PYGM: variants seen among roughly 807,000 people sequenced by gnomAD.
PYGM encodes the protein glycogen phosphorylase, muscle associated.
In PYGM, 81 loss-of-function variants were observed where a neutral mutation model predicts 99.3. That is an observed-to-expected ratio of 0.82 (90% confidence interval 0.68 to 0.98). The LOEUF is 0.98. Ranked by LOEUF, PYGM falls within the 50% of genes least tolerant of loss-of-function variation. The pLI is 0.00. For synonymous variants in PYGM, 436 were observed against 451.5 expected, an observed-to-expected ratio of 0.97 and a Z score of 0.44; for missense variants, 1,030 against 1,158.1, an observed-to-expected ratio of 0.89 and a Z score of 1.61.
Position 64,750,371 on chromosome 11 carries a change from C to G in PYGM, c.2177+5G>C, listed in dbSNP as rs763783985. 2 of 1,613,990 alleles carry G rather than the reference C, an allele frequency of 1.2e-6. No individual in the cohort carries two copies. The highest frequency in any genetic ancestry group is 1.7e-6 in the Non-Finnish European group (2 of 1,179,994). On this transcript the variant is annotated splice_donor_5th_base_variant and intron_variant, in intron 17 of 19. Coordinates refer to ENST00000164139, the MANE Select transcript of PYGM (RefSeq NM_005609.4). ...TCTTTTGCCCGTGAACCCTGACCCC[C>G]ATACCCTCTTTGGTCAAGCTTATCC...
intron 3 of PYGM, 38 bp from the exon 4 acceptor site, chr11:64,758,387 C>G (rs1169620611): frequency 1.2e-6 from 2 of 1,612,882 alleles, no homozygotes; most frequent in African/African-American, 2.7e-5. Context: ...AGGGACCCAG[C>G]AAGGAGGACC....
At position 64,753,945 on chromosome 11, in the gene PYGM, G is replaced by T. The variant is rs765402043; in HGVS notation, c.1173C>A (p.His391Gln). ...LPEALERWPV[H>Q]LLETLLPRHL... ...GCCGCGGCAGCAGCGTCTCCAAGAGGTGCACCGGCCAGCGCTCCAGGGCCT... is the reference window on the plus strand; with the variant it reads ...GCCGCGGCAGCAGCGTCTCCAAGAGTTGCACCGGCCAGCGCTCCAGGGCCT... Residue 391 changes from histidine (H) to glutamine (Q), a missense_variant, in exon 10 of 20, where the codon CAC becomes CAA. Coordinates refer to ENST00000164139, the MANE Select transcript of PYGM (RefSeq NM_005609.4). 2 of 1,601,724 alleles carry T rather than the reference G, an allele frequency of 1.2e-6. No individual in the cohort carries two copies. Among genetic ancestry groups the T allele is most frequent in the Non-Finnish European group, 1.7e-6 (2 of 1,174,070 alleles).
intron 17 of PYGM, among the ~76,000 whole-genome samples, chr11:64,749,328 C>G: frequency 6.6e-6 from 1 of 151,108 alleles, no homozygotes. Context: ...GCCTGGGTGA[C>G]AGAGCAAGAC....
chr11:64,756,321 C>T (rs543447217), intron 5 of PYGM, among the ~76,000 whole-genome samples: 1 of 152,354 alleles, frequency 6.6e-6, no homozygotes, highest in South Asian at 2.1e-4. Flanking sequence ...CCAGCAGCCC[C>T]CACTGCATCT....
chr11:64,758,186 A>G, intron 4 of PYGM, 60 bp downstream of exon 4: 3 of 1,535,302 alleles, frequency 2.0e-6, no homozygotes, highest in Non-Finnish European at 2.7e-6. Context: ...GAGATGATAA[A>G]CAAGTGGGGG....
In PYGM at chr11:64,746,991, G is replaced by A. The variant is rs1163053695; in HGVS notation, c.2313-4C>T. 6.2e-6 allele frequency: 10 copies of A among 1,614,096 alleles called. No individual in the cohort carries two copies. In the Admixed American group the frequency reaches 1.2e-4, roughly 19 times the overall value. The stretch of plus-strand genomic sequence containing the variant: ...ATAATCTGCGAAGACTTTAAACCTG[G>A]AGGGGAAAGGATAGGCATGTGCTAT... On this transcript the variant is annotated splice_polypyrimidine_tract_variant and splice_region_variant and intron_variant, in intron 18 of 19. Transcript: ENST00000164139.
chr11:64,758,221 A>G, intron 4 of PYGM, 25 bp downstream of exon 4: 6 of 1,587,274 alleles, frequency 3.8e-6, no homozygotes, highest in Non-Finnish European at 5.2e-6. Flanking sequence ...ACTAGACCCC[A>G]CAAGTTAGAG....
chr11:64,749,093 A>G (rs2058334577), intron 17 of PYGM, among the ~76,000 whole-genome samples: 1 of 151,966 alleles, frequency 6.6e-6, no homozygotes, highest in African/African-American at 2.4e-5. Context: ...CACCCCTGTA[A>G]GCCCAGCACT....
Position 64,750,515 on chromosome 11 carries a change from T to G in PYGM, c.2038A>C (p.Met680Leu), listed in dbSNP as rs1176352993. Residue 680 changes from methionine (M) to leucine (L), a missense_variant, in exon 17 of 20, where the codon ATG becomes CTG. Coordinates refer to ENST00000164139, the MANE Select transcript of PYGM (RefSeq NM_005609.4). ...AGTEASGTGN[M>L]KFMLNGALTI... ...AGAGCCCCGTTGAGCATGAACTTCATGTTGCCGGTGCCTGAGGCTTCAGTG... is the reference window on the plus strand; with the variant it reads ...AGAGCCCCGTTGAGCATGAACTTCAGGTTGCCGGTGCCTGAGGCTTCAGTG... 4 of 1,614,102 alleles carry G rather than the reference T, an allele frequency of 2.5e-6. No homozygotes were observed. The African/African-American group carries it at 4.0e-5, about 16-fold the overall frequency.
In PYGM at chr11:64,755,329, C is replaced by A; in HGVS notation, c.799G>T (p.Val267Leu). The A allele has an allele frequency of 6.2e-7, 1 of 1,614,180 alleles. No homozygotes were observed. Among genetic ancestry groups the A allele is most frequent in the Non-Finnish European group, 8.5e-7 (1 of 1,180,038 alleles). The change falls in exon 7 of 20, where the codon GTG becomes TTG. Residue 267 changes from valine to leucine, a missense_variant. By Grantham distance (32) the Val-to-Leu change is conservative. Coordinates refer to ENST00000164139, the MANE Select transcript of PYGM (RefSeq NM_005609.4). This position sits in a 1 kb window ranked among gnomAD's most constrained non-coding sequence, Gnocchi z 4.1. ...DFNVGGYIQA[V>L]LDRNLAENIS... ...TTCTCCGCCAGGTTTCGGTCCAACACAGCCTGGATGTAGCCACCGACATTG... is the reference window on the plus strand; with the variant it reads ...TTCTCCGCCAGGTTTCGGTCCAACAAAGCCTGGATGTAGCCACCGACATTG...
rs1326721251 is a variant in PYGM at position 64,750,508 on chromosome 11, A to T, written c.2045T>A (p.Phe682Tyr). The T allele has an allele frequency of 1.2e-6, 2 of 1,614,050 alleles. No individual in the cohort carries two copies. The highest frequency in any genetic ancestry group is 2.7e-5 in the African/African-American group (2 of 74,904). ...AATGGTCAGAGCCCCGTTGAGCATG[A>T]ACTTCATGTTGCCGGTGCCTGAGGC... ...TEASGTGNMK[F>Y]MLNGALTIGT... The change falls in exon 17 of 20, where the codon TTC (phenylalanine) becomes TAC (tyrosine). Residue 682 changes from phenylalanine to tyrosine, a missense_variant. Transcript: ENST00000164139.
chr11:64,748,658 A>G (rs2058331262), intron 17 of PYGM: 1 of 152,244 alleles, frequency 6.6e-6, no homozygotes, highest in South Asian at 2.1e-4. Context: ...GGAATTGATT[A>G]AATAAGTTGT....
chr11:64,756,291 C>T (rs541505681), intron 5 of PYGM, among the ~76,000 whole-genome samples: 51 of 152,326 alleles, frequency 3.3e-4, no homozygotes, highest in Admixed American at 9.1e-4. Context: ...CCAGTTGCCA[C>T]GTGCACCTGG....
rs759810824 is a variant in PYGM, at chr11:64,755,568, G to A, written c.661-10C>T. 3 of 1,610,240 alleles carry A rather than the reference G, an allele frequency of 1.9e-6. No individual in the cohort carries two copies. The highest frequency in any genetic ancestry group is 2.2e-5 in the East Asian group (1 of 44,832). ...GCATGGCCAGTACCACCTGCGGGGGGCAATCCTGTCAGGAGCTGGCCAGCC... is the reference window on the plus strand; with the variant it reads ...GCATGGCCAGTACCACCTGCGGGGGACAATCCTGTCAGGAGCTGGCCAGCC... On this transcript the variant is annotated splice_polypyrimidine_tract_variant and intron_variant, in intron 5 of 19. Transcript: ENST00000164139. The surrounding 1 kb of genome is among the most constrained non-coding windows in gnomAD (Gnocchi z 4.1).
At chr11:64,750,014 G>A (rs539956698) in intron 17 of PYGM, among the ~76,000 whole-genome samples, 41 of 152,208 alleles carry the variant, frequency 2.7e-4, no homozygotes, top group Non-Finnish European at 5.1e-4. Flanking sequence ...GGATGGTCTG[G>A]ATCTCTTGAC....
At chr11:64,752,266 A>G (rs2058362033) in intron 13 of PYGM, 137 bp downstream of exon 13, 15 of 1,307,434 alleles carry the variant, frequency 1.1e-5, no homozygotes, top group Non-Finnish European at 4.4e-6. Flanking sequence ...CCTTCCCACC[A>G]CAGACTCCAG....
intron 13 of PYGM, 95 bp downstream of exon 13, chr11:64,752,308 A>C: frequency 6.8e-7 from 1 of 1,466,056 alleles, no homozygotes; most frequent in Non-Finnish European, 9.5e-7. Flanking sequence ...GGCTGGCAGG[A>C]GAGATGAGCT....
rs146919445 is a variant in PYGM at position 64,753,643 on chromosome 11, G to A, written c.1279C>T (p.Arg427Trp). ...AAFPGDVDRL[R>W]RMSLVEEGAV... ...CCCTCCTCCACCAGCGACATGCGCC[G>A]CAGCCGGTCTACGTCCCCTGGGAAT... The change falls in exon 11 of 20, where the codon CGG becomes TGG. Residue 427 changes from arginine to tryptophan, a missense_variant. By Grantham distance (101) the Arg-to-Trp change is moderately radical (BLOSUM62 -3). Transcript: ENST00000164139. The A allele has an allele frequency of 5.2e-5, 84 of 1,608,180 alleles. No individual in the cohort carries two copies. The highest frequency in any genetic ancestry group is 1.7e-4 in the Middle Eastern group (1 of 5,942).
Position 64,759,687 on chromosome 11 carries a change from G to C in PYGM, c.212C>G (p.Thr71Arg). 1.9e-6 allele frequency: 3 copies of C among 1,614,084 alleles called. No individual in the cohort carries two copies. Among genetic ancestry groups the C allele is most frequent in the Non-Finnish European group, 2.5e-6 (3 of 1,180,008 alleles). Reference sequence around the variant, plus strand: ...GTCCTTCTCATAGTAGTGCTGCTGCGTGCGGATCCAGCGCCCCACGAGGTG... The same window carrying C: ...GTCCTTCTCATAGTAGTGCTGCTGCCTGCGGATCCAGCGCCCCACGAGGTG... ...RDHLVGRWIR[T>R]QQHYYEKDPK... The change falls in exon 1 of 20, where the codon ACG (threonine) becomes AGG (arginine). Residue 71 changes from threonine (T) to arginine (R), a missense_variant. Transcript: ENST00000164139.
Sources: allele counts gnomAD v4.1 joint callset (sites outside exome capture counted in the v4.1 genomes callset), GRCh38; gene constraint gnomAD v4.1.1; non-coding constraint Gnocchi (gnomAD v3.1); transcripts MANE v1.5; gene names NCBI Gene and HGNC (gene_info 2026-07-23, HGNC 2026-07-21).